ABCC9: variants seen among roughly 807,000 people sequenced by gnomAD.
ABCC9 encodes ATP binding cassette subfamily C member 9, also known as ATP-binding cassette sub-family C member 9.
A neutral mutation model predicts 188.3 loss-of-function variants in ABCC9; 95 were observed. The ratio of observed to expected loss-of-function variants is 0.50; its 90% CI spans 0.43 to 0.60. The LOEUF (loss-of-function observed/expected upper bound fraction) is 0.60, where lower values mean the gene tolerates loss of function less well. Among genes scored for constraint, ABCC9 ranks in the 20% least tolerant of loss-of-function variants. The probability of loss-of-function intolerance (pLI) is 0.00; values close to 1 mark genes in which losing one functional copy is unlikely to be tolerated. For synonymous variants in ABCC9, 659 were observed against 652.7 expected, an observed-to-expected ratio of 1.01 and a Z score of -0.15; for missense variants, 1,102 against 1,876.3, an observed-to-expected ratio of 0.59 and a Z score of 7.62.
At chr12:21,815,104 G>T (rs1346860259) in intron 34 of ABCC9, among the ~76,000 whole-genome samples, 1 of 152,072 alleles carries the variant, frequency 6.6e-6, no homozygotes, top group East Asian at 1.9e-4. Context: ...GATGGCTGGA[G>T]CCCAGGAGGT....
At chr12:21,923,352 A>T (rs1295386591) in intron 5 of ABCC9, 1 of 150,756 alleles carries the variant, frequency 6.6e-6, no homozygotes, top group Admixed American at 6.7e-5. Context: ...ATGAATATGT[A>T]TGCCACAGAC....
intron 22 of ABCC9, among the ~76,000 whole-genome samples, chr12:21,856,302 G>A (rs149389412): frequency 1.3e-5 from 2 of 152,010 alleles, no homozygotes; most frequent in East Asian, 1.9e-4. Context: ...ATTGCCAAAC[G>A]GCCAATTCAA....
In ABCC9 at chr12:21,885,564, C is replaced by T. The variant is rs1039034855; in HGVS notation, c.1911+2262G>A. ...GACAAGTTCCTTGGTAGTCTAGGAC[C>T]ATCCCAAGAGTGACGAGACTGGTTC... is the stretch of plus-strand genomic sequence containing the variant. On this transcript the variant is annotated intron_variant, in intron 15 of 39. Transcript: ENST00000261200. Among the ~76,000 whole-genome samples, 4 of 152,064 alleles carry T rather than the reference C, an allele frequency of 2.6e-5. No individual in the cohort carries two copies. The East Asian group carries it at 7.7e-4, about 29-fold the overall frequency.
chr12:21,852,233 C>A lies in ABCC9; in HGVS notation c.2644-11G>T, dbSNP rs61926078. 2.5e-6 allele frequency: 4 copies of A among 1,613,556 alleles called. No homozygotes were observed. In the African/African-American group the frequency reaches 4.0e-5, roughly 16 times the overall value. Reference sequence around the variant, plus strand: ...TTTCATGGCTATGATCTAAGGAAAGCGGATATTCCCAGAAATGTGACGAAA... The same window carrying A: ...TTTCATGGCTATGATCTAAGGAAAGAGGATATTCCCAGAAATGTGACGAAA... On this transcript the variant is annotated splice_polypyrimidine_tract_variant and intron_variant, in intron 23 of 39. Coordinates refer to ENST00000261200, the MANE Select transcript of ABCC9 (RefSeq NM_020297.4).
At chr12:21,835,489 A>G (rs1045070832) in intron 30 of ABCC9, among the ~76,000 whole-genome samples, 1 of 152,212 alleles carries the variant, frequency 6.6e-6, no homozygotes, top group African/African-American at 2.4e-5. Flanking sequence ...GATGATAATC[A>G]TGGACTGATA....
chr12:21,936,508 T>A (rs1415277779), intron 3 of ABCC9, 25 bp downstream of exon 3: 1 of 1,584,688 alleles, frequency 6.3e-7, no homozygotes, highest in South Asian at 1.1e-5. Flanking sequence ...TCAAATGGTA[T>A]AACATAAGAT....
chr12:21,936,384 G>T, intron 3 of ABCC9, 149 bp downstream of exon 3: 1 of 737,600 alleles, frequency 1.4e-6, no homozygotes, highest in Non-Finnish European at 2.2e-6. Flanking sequence ...AAAAATATAT[G>T]TTTGAAAAAC....
At chr12:21,875,044 A>G (rs1254940349) in intron 17 of ABCC9, among the ~76,000 whole-genome samples, 1 of 150,854 alleles carries the variant, frequency 6.6e-6, no homozygotes, top group Non-Finnish European at 1.5e-5. Flanking sequence ...TGTCAAGAGG[A>G]TAAGTCTCAT....
At chr12:21,891,476 G>A (rs1278415127) in intron 14 of ABCC9, among the ~76,000 whole-genome samples, 1 of 152,116 alleles carries the variant, frequency 6.6e-6, no homozygotes, top group Non-Finnish European at 1.5e-5. Flanking sequence ...GGTGTGAGGA[G>A]ACAATCTGAA....
At chr12:21,842,811 T>C (rs2137374623) in intron 28 of ABCC9, among the ~76,000 whole-genome samples, 1 of 152,328 alleles carries the variant, frequency 6.6e-6, no homozygotes, top group African/African-American at 2.4e-5. Flanking sequence ...TCTATTTCTT[T>C]TTAATGGTTG....
chr12:21,888,499 T>C (rs1946991429), intron 14 of ABCC9, among the ~76,000 whole-genome samples: 1 of 152,060 alleles, frequency 6.6e-6, no homozygotes. Context: ...GTCTTGCTGC[T>C]CAAAAGTTTC....
chr12:21,822,078 T>C (rs941251495), intron 31 of ABCC9, among the ~76,000 whole-genome samples: 11 of 152,154 alleles, frequency 7.2e-5, no homozygotes, highest in Non-Finnish European at 1.5e-4. Context: ...GTACATTTTA[T>C]AGCAAAAATT....
intron 5 of ABCC9, chr12:21,924,253 A>G (rs76728072): frequency 0.02 from 3,119 of 158,712 alleles, 49 homozygotes; most frequent in Middle Eastern, 0.036. Context: ...GTTCAGAGGT[A>G]AAGTATACTA....
chr12:21,929,983 C>A (rs561836547), intron 4 of ABCC9, among the ~76,000 whole-genome samples: 1 of 125,924 alleles, frequency 7.9e-6, no homozygotes, highest in South Asian at 3.1e-4. Context: ...TCCCTCCCCC[C>A]TCCCCCTACC....
In ABCC9 at chr12:21,800,683, A is replaced by G. The variant is rs1278123845; in HGVS notation, c.*361T>C. ...TAAGGAAAATATATTCTTACAAACA[A>G]GAGTATAGTAATACTGACTACTCAT... is the stretch of plus-strand genomic sequence containing the variant. On this transcript the variant is annotated 3_prime_UTR_variant, in exon 40 of 40. Transcript: ENST00000261200. 1 of 235,786 alleles carries G rather than the reference A, an allele frequency of 4.2e-6. No homozygotes were observed. Among genetic ancestry groups the G allele is most frequent in the African/African-American group, 2.3e-5 (1 of 43,616 alleles). The allele number at this position is 235,786 out of a possible 1,614,324, so 14.6% of individuals were successfully genotyped here. A position where few individuals can be genotyped will look rare whatever the true frequency, so the allele number is the denominator to read the frequency against.
chr12:21,923,039 A>C (rs1168064605), intron 5 of ABCC9: 1 of 151,114 alleles, frequency 6.6e-6, no homozygotes, highest in African/African-American at 2.4e-5. Flanking sequence ...AGAAACAGAA[A>C]GTCTATCCCA....
rs1371029195 is a variant in ABCC9, at chr12:21,838,059, T to C, written c.3566+19A>G. On this transcript the variant is annotated intron_variant, in intron 30 of 39. Coordinates refer to ENST00000261200, the MANE Select transcript of ABCC9 (RefSeq NM_020297.4). ...GATGTTATTGCCTAGTCAGCTAATA[T>C]AAAAATGTGTTTACTCACCTAAAGG... 2 of 1,574,098 alleles carry C rather than the reference T, an allele frequency of 1.3e-6. No individual in the cohort carries two copies. The highest frequency in any genetic ancestry group is 2.2e-5 in the East Asian group (1 of 44,684).
chr12:21,929,321 C>A (rs1949180218), intron 4 of ABCC9, among the ~76,000 whole-genome samples: 1 of 151,726 alleles, frequency 6.6e-6, no homozygotes, highest in Admixed American at 6.6e-5. Flanking sequence ...ATAAACCAAT[C>A]AAATTAAACA....
In ABCC9 at chr12:21,934,027, G is replaced by T. The variant is rs1017587667; in HGVS notation, c.143-104C>A. 13 of 1,216,370 alleles carry T rather than the reference G, an allele frequency of 1.1e-5. No individual in the cohort carries two copies. The South Asian group carries it at 1.2e-4, about 11-fold the overall frequency. The allele number at this position is 1,216,370 out of a possible 1,614,324, so 75.3% of individuals were successfully genotyped here. A position where few individuals can be genotyped will look rare whatever the true frequency, so the allele number is the denominator to read the frequency against. On this transcript the variant is annotated intron_variant, in intron 3 of 39. Coordinates refer to ENST00000261200, the MANE Select transcript of ABCC9 (RefSeq NM_020297.4). ...TAAGCTTTAAGGCAGGGGTGGGGGG[G>T]TCCTGAAACCTTAAAACTTTCTAGA...
Sources: allele counts gnomAD v4.1 joint callset (sites outside exome capture counted in the v4.1 genomes callset), GRCh38; gene constraint gnomAD v4.1.1; transcripts MANE v1.5; gene names NCBI Gene and HGNC (gene_info 2026-07-23, HGNC 2026-07-21).